The following TSPAN18 variants were observed in gnomAD, a reference collection of about 807,000 sequenced individuals.
TSPAN18 encodes tetraspanin 18.
In TSPAN18, 14 loss-of-function variants were observed where a neutral mutation model predicts 27.3. That is an observed-to-expected ratio of 0.51 (90% confidence interval 0.34 to 0.80). TSPAN18 has a LOEUF of 0.80. TSPAN18 is among the 30% of genes least tolerant of loss of function. TSPAN18 has a pLI of 0.01. For synonymous variants in TSPAN18, 143 were observed against 136.5 expected (o/e 1.05, Z -0.33); for missense variants, 268 against 323.9 (o/e 0.83, Z 1.32).
intron 1 of TSPAN18, among the ~76,000 whole-genome samples, chr11:44,746,834 G>A (rs2134841553): frequency 6.6e-6 from 1 of 152,342 alleles, no homozygotes; most frequent in African/African-American, 2.4e-5. Context: ...GAGATGCTCA[G>A]CAGAGCTTCA....
intron 2 of TSPAN18, among the ~76,000 whole-genome samples, chr11:44,788,123 C>T (rs1365009854): frequency 6.6e-6 from 1 of 152,198 alleles, no homozygotes; most frequent in Admixed American, 6.5e-5. Context: ...GGCCCAGGAA[C>T]CTTCGGTACA....
chr11:44,871,362 A>T (rs543255120), intron 3 of TSPAN18, among the ~76,000 whole-genome samples: 5 of 152,264 alleles, frequency 3.3e-5, no homozygotes, highest in African/African-American at 1.2e-4. Flanking sequence ...TAAGGGCACT[A>T]ATCTTATTCA....
At chr11:44,863,212 G>C (rs908422650) in intron 3 of TSPAN18, among the ~76,000 whole-genome samples, 2 of 152,232 alleles carry the variant, frequency 1.3e-5, no homozygotes, top group Admixed American at 6.5e-5. Flanking sequence ...ATATAGGCCA[G>C]TTTCGGACGT....
At chr11:44,853,972 G>C (rs893666522) in intron 2 of TSPAN18, among the ~76,000 whole-genome samples, 30 of 152,184 alleles carry the variant, frequency 2.0e-4, no homozygotes, top group African/African-American at 7.2e-4. Flanking sequence ...CTTTGGCAAG[G>C]CCGGGTAATT....
At position 44,727,147 on chromosome 11, in the gene TSPAN18, G is replaced by A. The variant is rs1854533773; in HGVS notation, c.-380G>A. The stretch of plus-strand genomic sequence containing the variant: ...CCCCGAGCGAGCGCCGCCGCCTCGC[G>A]CTGCGGGTCCCCGGACGCGCCGCCA... On this transcript the variant is annotated 5_prime_UTR_variant, in exon 1 of 10. Coordinates refer to ENST00000520358, the MANE Select transcript of TSPAN18 (RefSeq NM_130783.5). 1 of 148,666 alleles carries A rather than the reference G, an allele frequency of 6.7e-6. No homozygotes were observed. Among genetic ancestry groups the A allele is most frequent in the South Asian group, 1.8e-4 (1 of 5,638 alleles). 9.2% of individuals were successfully genotyped at this position (148,666 alleles called of 1,614,324 possible).
chr11:44,876,444 C>G (rs1342358899), intron 3 of TSPAN18, among the ~76,000 whole-genome samples: 2 of 152,178 alleles, frequency 1.3e-5, no homozygotes, highest in Non-Finnish European at 2.9e-5. Flanking sequence ...TTCTTATCTC[C>G]AAAGTAAAGG....
chr11:44,928,034 C>T (rs912573227), intron 9 of TSPAN18, among the ~76,000 whole-genome samples: 4 of 152,200 alleles, frequency 2.6e-5, no homozygotes, highest in African/African-American at 7.2e-5. Context: ...GGCCCCGTCC[C>T]GGTAGCCCCT....
intron 2 of TSPAN18, among the ~76,000 whole-genome samples, chr11:44,798,482 C>T (rs948920737): frequency 3.3e-5 from 5 of 152,224 alleles, no homozygotes; most frequent in African/African-American, 9.6e-5. Context: ...TTCCTTCCCC[C>T]AAGCTTAACC....
chr11:44,784,890 AAT>A (rs1452493346), intron 2 of TSPAN18, among the ~76,000 whole-genome samples: 2 of 152,222 alleles, frequency 1.3e-5, no homozygotes, highest in African/African-American at 4.8e-5. Context: ...TCTGGTTTTG[AAT>A]ATTTCTACCC....
intron 2 of TSPAN18, among the ~76,000 whole-genome samples, chr11:44,829,469 T>C (rs1337555244): frequency 6.6e-6 from 1 of 152,228 alleles, no homozygotes; most frequent in East Asian, 1.9e-4. Flanking sequence ...CTTTTTTCAC[T>C]AAGCAATATG....
At chr11:44,895,498 G>A (rs1353424393) in intron 3 of TSPAN18, among the ~76,000 whole-genome samples, 1 of 152,218 alleles carries the variant, frequency 6.6e-6, no homozygotes, top group African/African-American at 2.4e-5. Context: ...GGTGAGCATG[G>A]CAGGTGTCAC....
intron 6 of TSPAN18, among the ~76,000 whole-genome samples, 154 bp downstream of exon 6, chr11:44,918,200 C>G (rs1408865722): frequency 2.6e-5 from 4 of 152,236 alleles, no homozygotes. Flanking sequence ...ACCCGCCTGG[C>G]AAGGCCCCGC....
intron 2 of TSPAN18, among the ~76,000 whole-genome samples, chr11:44,802,017 G>A (rs1468830761): frequency 1.3e-5 from 2 of 152,182 alleles, no homozygotes; most frequent in Non-Finnish European, 2.9e-5. Flanking sequence ...GGGTGACAGA[G>A]TGAGACCTTG....
chr11:44,823,619 G>T (rs770256771), intron 2 of TSPAN18, among the ~76,000 whole-genome samples: 1 of 152,128 alleles, frequency 6.6e-6, no homozygotes, highest in Non-Finnish European at 1.5e-5. Context: ...CACCAGACTG[G>T]AAGACAGGTT....
At chr11:44,887,898 T>G (rs75381474) in intron 3 of TSPAN18, among the ~76,000 whole-genome samples, 27,768 of 152,162 alleles carry the variant, frequency 0.18, 3,387 homozygotes, top group Non-Finnish European at 0.28. Flanking sequence ...AATATTTAAA[T>G]CTGGGCAGTG....
At chr11:44,827,162 C>T (rs900735425) in intron 2 of TSPAN18, among the ~76,000 whole-genome samples, 5 of 152,342 alleles carry the variant, frequency 3.3e-5, no homozygotes, top group South Asian at 2.1e-4. Context: ...ATGACCCTTC[C>T]GGGGGCCTGA....
intron 2 of TSPAN18, among the ~76,000 whole-genome samples, chr11:44,791,138 G>A (rs1458144558): frequency 6.6e-6 from 1 of 152,156 alleles, no homozygotes; most frequent in Non-Finnish European, 1.5e-5. Flanking sequence ...TTCCCTCTGA[G>A]TTTGGGGAAC....
At chr11:44,767,872 G>C (rs1322162105) in intron 2 of TSPAN18, among the ~76,000 whole-genome samples, 7 of 152,200 alleles carry the variant, frequency 4.6e-5, no homozygotes, top group Admixed American at 3.9e-4. Flanking sequence ...CTATTCTCCA[G>C]TGTATTGCCA....
chr11:44,821,490 A>C lies in TSPAN18; in HGVS notation c.-152-38838A>C, dbSNP rs2045018. On this transcript the variant is annotated intron_variant, in intron 2 of 9. Coordinates refer to ENST00000520358, the MANE Select transcript of TSPAN18 (RefSeq NM_130783.5). Reference sequence around the variant, plus strand: ...TGTACCCATATTGGGATGATTAGTTAAGTGCATATTAAGGTTCTGGCCTCT... The same window carrying C: ...TGTACCCATATTGGGATGATTAGTTCAGTGCATATTAAGGTTCTGGCCTCT... Among the ~76,000 whole-genome samples the C allele has an allele frequency of 2.1e-3, 318 of 152,308 alleles. 4 individuals carry two copies. The East Asian group carries it at 0.052, about 25-fold the overall frequency.
Sources: gnomAD v4.1 joint callset for allele counts (sites outside exome capture counted in the v4.1 genomes callset) on GRCh38, gnomAD v4.1.1 for gene constraint, MANE v1.5 for transcripts, NCBI Gene and HGNC (gene_info 2026-07-23, HGNC 2026-07-21) for gene names.